SLC25A16: variants seen among roughly 807,000 people sequenced by gnomAD.
SLC25A16 encodes mitochondrial coenzyme A transporter SLC25A16.
Under a neutral mutation model 41.5 loss-of-function variants are expected in SLC25A16, and 39 were observed. The ratio of observed to expected loss-of-function variants is 0.94; its 90% confidence interval spans 0.73 to 1.23. The LOEUF (loss-of-function observed/expected upper bound fraction) is 1.23. Among genes scored for constraint, SLC25A16 ranks in the 50% most tolerant of loss-of-function variants. The pLI is 0.00. For missense variants in SLC25A16, 421 were observed against 426.9 expected (o/e 0.99, Z 0.12); for synonymous variants, 146 against 147.8 (o/e 0.99, Z 0.09).
intron 2 of SLC25A16, among the ~76,000 whole-genome samples, chr10:68,515,577 T>C (rs2053147755): frequency 6.6e-6 from 1 of 151,712 alleles, no homozygotes; most frequent in Non-Finnish European, 1.5e-5. Flanking sequence ...GGCGGGCGGG[T>C]CACCTGAGTT....
chr10:68,525,444 T>C (rs1014207969), intron 1 of SLC25A16, among the ~76,000 whole-genome samples: 2 of 152,080 alleles, frequency 1.3e-5, no homozygotes, highest in African/African-American at 4.8e-5. Flanking sequence ...CGAATTTTTA[T>C]TGTTTGTTTT....
chr10:68,500,936 A>C (rs2052831966), intron 4 of SLC25A16, among the ~76,000 whole-genome samples: 1 of 151,166 alleles, frequency 6.6e-6, no homozygotes, highest in Non-Finnish European at 1.5e-5. Flanking sequence ...GTCTCAAAAA[A>C]AGAAGAAAAA....
chr10:68,490,847 T>C (rs752727739), intron 6 of SLC25A16, among the ~76,000 whole-genome samples: 2 of 151,992 alleles, frequency 1.3e-5, no homozygotes, highest in African/African-American at 2.4e-5. Context: ...TCGACTACCT[T>C]AAAATTTGAA....
chr10:68,483,909 C>A (rs1000114981), intron 8 of SLC25A16, among the ~76,000 whole-genome samples: 7 of 152,140 alleles, frequency 4.6e-5, no homozygotes, highest in Admixed American at 4.6e-4. Context: ...GGTGATCCAC[C>A]CACCTTGGCC....
intron 3 of SLC25A16, among the ~76,000 whole-genome samples, chr10:68,504,744 G>A (rs1014550820): frequency 2.0e-5 from 3 of 151,954 alleles, no homozygotes; most frequent in East Asian, 1.9e-4. Context: ...GCAATGGCAC[G>A]ATCTTGGCTC....
At chr10:68,513,160 A>G (rs1200669012) in intron 2 of SLC25A16, among the ~76,000 whole-genome samples, 1 of 151,562 alleles carries the variant, frequency 6.6e-6, no homozygotes, top group Non-Finnish European at 1.5e-5. Flanking sequence ...AGCCTAGGGA[A>G]CAAGTGAGAC....
At chr10:68,521,082 C>G (rs1032759819) in intron 1 of SLC25A16, among the ~76,000 whole-genome samples, 2 of 151,518 alleles carry the variant, frequency 1.3e-5, no homozygotes, top group Non-Finnish European at 2.9e-5. Context: ...TGCAGTGAGC[C>G]GAGATCGCGC....
rs997012451 is a variant in SLC25A16 at position 68,479,699 on chromosome 10, G to T, written c.*3733C>A. On this transcript the variant is annotated 3_prime_UTR_variant, in exon 9 of 9. Transcript: ENST00000609923. Reference sequence around the variant, plus strand: ...GGTGCTTGTAACCCCAGCTACTCGGGAGGCTGAAGCAGGAGAATCGCTAGA... The same window carrying T: ...GGTGCTTGTAACCCCAGCTACTCGGTAGGCTGAAGCAGGAGAATCGCTAGA... The T allele has an allele frequency of 6.6e-6, 1 of 152,262 alleles. No homozygotes were observed. The highest frequency in any genetic ancestry group is 1.5e-5 in the Non-Finnish European group (1 of 68,268). 9.4% of individuals were successfully genotyped at this position (152,262 alleles called of 1,614,324 possible).
intron 4 of SLC25A16, 141 bp downstream of exon 4, chr10:68,503,491 G>T (rs2052893467): frequency 2.0e-6 from 1 of 503,288 alleles, no homozygotes; most frequent in South Asian, 4.0e-5. Flanking sequence ...TTTTTTTGAG[G>T]ATGCACCCAG....
chr10:68,497,336 A>G (rs2052765495), intron 4 of SLC25A16, among the ~76,000 whole-genome samples: 1 of 152,196 alleles, frequency 6.6e-6, no homozygotes, highest in Non-Finnish European at 1.5e-5. Context: ...AAGCTAAACA[A>G]ATTGGTCTGG....
chr10:68,522,991 AT>A (rs1418814567), intron 1 of SLC25A16, among the ~76,000 whole-genome samples: 1 of 152,112 alleles, frequency 6.6e-6, no homozygotes, highest in Non-Finnish European at 1.5e-5. Flanking sequence ...CAAAAAAAAA[AT>A]AAAAGTGGAA....
chr10:68,507,187 C>T (rs2052972266), intron 2 of SLC25A16, among the ~76,000 whole-genome samples: 1 of 151,160 alleles, frequency 6.6e-6, no homozygotes, highest in South Asian at 2.1e-4. Context: ...ATTCTCCTGC[C>T]CCAGCCTCCC....
intron 6 of SLC25A16, 78 bp downstream of exon 6, chr10:68,493,054 T>G (rs2052686805): frequency 1.2e-6 from 1 of 800,994 alleles, no homozygotes. Context: ...TCTTTTTATA[T>G]TACCATTTCA....
chr10:68,489,172 G>C (rs2052615232), intron 6 of SLC25A16, among the ~76,000 whole-genome samples: 1 of 152,204 alleles, frequency 6.6e-6, no homozygotes, highest in Non-Finnish European at 1.5e-5. Flanking sequence ...GGGAGGCTGA[G>C]GCAGGAGAAT....
Position 68,478,099 on chromosome 10 carries a change from C to A in SLC25A16, c.*5333G>T, listed in dbSNP as rs2052448313. 6.6e-6 allele frequency: 1 copy of A among 152,166 alleles called. No individual in the cohort carries two copies. Among genetic ancestry groups the A allele is most frequent in the African/African-American group, 2.4e-5 (1 of 41,440 alleles). The allele number at this position is 152,166 out of a possible 1,614,324, so 9.4% of individuals were successfully genotyped here. On this transcript the variant is annotated 3_prime_UTR_variant, in exon 9 of 9. Coordinates refer to ENST00000609923, the MANE Select transcript of SLC25A16 (RefSeq NM_152707.4). The stretch of plus-strand genomic sequence containing the variant: ...ACTGTATTAAAGTATAGCATCATAG[C>A]TAAAAGAATAGGCTCTAGATTCAGA...
chr10:68,519,273 G>A (rs1196465416), intron 1 of SLC25A16, among the ~76,000 whole-genome samples: 1 of 151,966 alleles, frequency 6.6e-6, no homozygotes, highest in Non-Finnish European at 1.5e-5. Context: ...TGGATCACGA[G>A]GTCAGGAGTT....
intron 3 of SLC25A16, among the ~76,000 whole-genome samples, chr10:68,506,254 G>A (rs925018244): frequency 7.9e-5 from 12 of 152,054 alleles, no homozygotes; most frequent in Admixed American, 3.3e-4. Flanking sequence ...AGACAAGCCT[G>A]GCCAAAATGG....
Position 68,487,227 on chromosome 10 carries a change from AG to A in SLC25A16, c.774-16del. The A allele has an allele frequency of 6.2e-7, 1 of 1,609,024 alleles. No homozygotes were observed. Among genetic ancestry groups the A allele is most frequent in the Non-Finnish European group, 8.5e-7 (1 of 1,176,764 alleles). On this transcript the variant is annotated splice_polypyrimidine_tract_variant and intron_variant, in intron 7 of 8. Coordinates refer to ENST00000609923, the MANE Select transcript of SLC25A16 (RefSeq NM_152707.4). Reference sequence around the variant, plus strand: ...CAAATGGGTAGCTAAAAGAAGAAAAAGGCATAAAGAATTAAAAATTTTTGGT... The same window carrying A: ...CAAATGGGTAGCTAAAAGAAGAAAAAGCATAAAGAATTAAAAATTTTTGGT...
rs140899784 is a variant in SLC25A16, at chr10:68,500,284, A to G, written c.421+3348T>C. 2.5e-3 allele frequency among the ~76,000 whole-genome samples: 384 copies of G among 152,314 alleles called. 3 individuals are homozygous for G. Among genetic ancestry groups the G allele is most frequent in the African/African-American group, 9.1e-3 (377 of 41,582 alleles). On this transcript the variant is annotated intron_variant, in intron 4 of 8. Transcript: ENST00000609923. ...CATAAGATCCATTTCAAGTGTTTCA[A>G]TCACAGGAGAAAAATATAAATTGTA... is the stretch of plus-strand genomic sequence containing the variant.
Sources: gnomAD v4.1 joint callset for allele counts (sites outside exome capture counted in the v4.1 genomes callset) on GRCh38, gnomAD v4.1.1 for gene constraint, MANE v1.5 for transcripts, NCBI Gene and HGNC (gene_info 2026-07-23, HGNC 2026-07-21) for gene names.